PIANP: variants seen among roughly 807,000 people sequenced by gnomAD.
PIANP encodes PILR alpha associated neural protein, also known as PILR alpha-associated neural protein.
In PIANP, 14 loss-of-function variants were observed where a neutral mutation model predicts 28.9. The observed-to-expected ratio is 0.49, with a 90% CI of 0.32 to 0.76. The LOEUF is 0.76. Ranked by LOEUF, PIANP falls within the 30% of genes least tolerant of loss-of-function variation. PIANP has a pLI of 0.03. For missense variants in PIANP, 322 were observed against 371.8 expected (o/e 0.87, Z 1.10); for synonymous variants, 149 against 156.6 (o/e 0.95, Z 0.36).
chr12:6,698,339 C>G (rs1384118128), intron 1 of PIANP: 3 of 567,544 alleles, frequency 5.3e-6, no homozygotes, highest in Non-Finnish European at 6.3e-6. Context: ...CCTCTCCACC[C>G]CAGGGTCTAC....
chr12:6,693,469 C>G (rs1959746740), downstream of PIANP, among the ~76,000 whole-genome samples: 1 of 152,216 alleles, frequency 6.6e-6, no homozygotes, highest in Non-Finnish European at 1.5e-5. Flanking sequence ...TCTCTTCCGC[C>G]TTGATCCACC....
rs773799330 is a variant in PIANP at position 6,696,645 on chromosome 12, G to A, written c.524-121C>T. On this transcript the variant is annotated intron_variant, in intron 3 of 4. Coordinates refer to ENST00000534837, the MANE Select transcript of PIANP (RefSeq NM_001244014.2). The surrounding 1 kb of genome is among the most constrained non-coding windows in gnomAD (Gnocchi z 4.0). ...CATTGCTGTGTGGATCCACACTGCCGGCTCTGTCTGCCCCTCTGGAGCCTC... is the reference window on the plus strand; with the variant it reads ...CATTGCTGTGTGGATCCACACTGCCAGCTCTGTCTGCCCCTCTGGAGCCTC... 3.9e-5 allele frequency: 23 copies of A among 590,848 alleles called. No homozygotes were observed. The highest frequency in any genetic ancestry group is 1.6e-4 in the East Asian group (5 of 30,504). 36.6% of individuals were successfully genotyped at this position (590,848 alleles called of 1,614,324 possible).
chr12:6,698,205 C>CAGCCGCAT, intron 1 of PIANP, 101 bp from the exon 2 acceptor site: 1 of 922,018 alleles, frequency 1.1e-6, no homozygotes, highest in Non-Finnish European at 1.7e-6. Context: ...CCAGGCCACC[C>CAGCCGCAT]AGCTGCCAGC....
chr12:6,697,989 G>GAAGT lies in PIANP; in HGVS notation c.17+55_17+56insACTT. ...GCTCTGGATGGGTCTAGGAAGGAAG[G>GAAGT]AGTCATGGCCCCAGGGAATGTGGTC... is the stretch of plus-strand genomic sequence containing the variant. On this transcript the variant is annotated intron_variant, in intron 2 of 4. Coordinates refer to ENST00000534837, the MANE Select transcript of PIANP (RefSeq NM_001244014.2). The surrounding 1 kb of genome is among the most constrained non-coding windows in gnomAD (Gnocchi z 6.9). The GAAGT allele has an allele frequency of 6.5e-7, 1 of 1,548,706 alleles. No homozygotes were observed. The highest frequency in any genetic ancestry group is 1.2e-5 in the South Asian group (1 of 84,038).
downstream of PIANP, among the ~76,000 whole-genome samples, chr12:6,693,065 T>C (rs1959736562): frequency 6.6e-6 from 1 of 151,964 alleles, no homozygotes; most frequent in African/African-American, 2.4e-5. Flanking sequence ...ACCATAGCAA[T>C]AGAGCCTAGC....
chr12:6,692,349 G>A (rs1238221523), downstream of PIANP, among the ~76,000 whole-genome samples: 8 of 152,224 alleles, frequency 5.3e-5, no homozygotes, highest in South Asian at 8.3e-4. Context: ...CCTTGCTGAA[G>A]GTGAGAGCCC....
Position 6,695,328 on chromosome 12 carries a change from C to T in PIANP, c.*98G>A, listed in dbSNP as rs895823968. On this transcript the variant is annotated 3_prime_UTR_variant, in exon 5 of 5. Transcript: ENST00000534837. This position sits in a 1 kb window ranked among gnomAD's most constrained non-coding sequence, Gnocchi z 4.2. ...GGGCCAGGGGCTGTGGGAGGCCACGCCTGCCTCCTCACTACCCATCCAGAG... is the reference window on the plus strand; with the variant it reads ...GGGCCAGGGGCTGTGGGAGGCCACGTCTGCCTCCTCACTACCCATCCAGAG... 7.1e-7 allele frequency: 1 copy of T among 1,400,054 alleles called. No homozygotes were observed. The highest frequency in any genetic ancestry group is 9.3e-7 in the Non-Finnish European group (1 of 1,072,014). 86.7% of individuals were successfully genotyped at this position (1,400,054 alleles called of 1,614,324 possible).
At position 6,697,332 on chromosome 12, in the gene PIANP, C is replaced by T. The variant is rs766782464; in HGVS notation, c.478G>A (p.Ala160Thr). 8.7e-6 allele frequency: 14 copies of T among 1,613,872 alleles called. No homozygotes were observed. In the African/African-American group the frequency reaches 1.6e-4, roughly 18 times the overall value. ...AGGAATGGCCGCAGGGTGGCAGGTG[C>T]CTCTCCAAGGATAAGCCCATCTCCA... ...GDGDGLILGE[A>T]PATLRPFLFG... The change falls in exon 3 of 5, where the codon GCA (alanine) becomes ACA (threonine). Residue 160 changes from alanine to threonine, a missense_variant. Ala to Thr is a moderately conservative substitution (Grantham distance 58, BLOSUM62 0). Transcript: ENST00000534837. The surrounding 1 kb of genome is among the most constrained non-coding windows in gnomAD (Gnocchi z 6.9).
chr12:6,697,593 C>G lies in PIANP; in HGVS notation c.217G>C (p.Val73Leu). The G allele has an allele frequency of 6.3e-7, 1 of 1,584,036 alleles. No individual in the cohort carries two copies. Among genetic ancestry groups the G allele is most frequent in the South Asian group, 1.1e-5 (1 of 87,354 alleles). ...AGGACTTGCCGACGTGATCTTGGGA[C>G]CCGAGGAGATCGGCTTGGTGGAGGT... ...RAPPPSRSPR[V>L]PRSRRQVLPG... The change falls in exon 3 of 5, where the codon GTC becomes CTC. Residue 73 changes from valine to leucine, a missense_variant. By Grantham distance (32) the Val-to-Leu change is conservative. Coordinates refer to ENST00000534837, the MANE Select transcript of PIANP (RefSeq NM_001244014.2). This position sits in a 1 kb window ranked among gnomAD's most constrained non-coding sequence, Gnocchi z 6.9.
Position 6,694,955 on chromosome 12 carries a change from A to G in PIANP, c.*471T>C. ...GGAGCCCCTGTGGCCCCAGCTCCCC[A>G]CAGCTGCCCCACCCTCAGTGGGATG... On this transcript the variant is annotated 3_prime_UTR_variant, in exon 5 of 5. Transcript: ENST00000534837. The surrounding 1 kb of genome is among the most constrained non-coding windows in gnomAD (Gnocchi z 6.1). 6.8e-7 allele frequency: 1 copy of G among 1,468,510 alleles called. No individual in the cohort carries two copies. The highest frequency in any genetic ancestry group is 9.1e-7 in the Non-Finnish European group (1 of 1,100,256). The allele number at this position is 1,468,510 out of a possible 1,614,324, so 91.0% of individuals were successfully genotyped here.
chr12:6,695,286 G>C lies in PIANP; in HGVS notation c.*140C>G. On this transcript the variant is annotated 3_prime_UTR_variant, in exon 5 of 5. Transcript: ENST00000534837. This position sits in a 1 kb window ranked among gnomAD's most constrained non-coding sequence, Gnocchi z 4.2. Reference sequence around the variant, plus strand: ...AAGGGTGCCTCCCAGAGAGGAGCTGGTCCAGCCCCCTTGGGAGGGCCAGGG... The same window carrying C: ...AAGGGTGCCTCCCAGAGAGGAGCTGCTCCAGCCCCCTTGGGAGGGCCAGGG... The C allele has an allele frequency of 7.1e-7, 1 of 1,409,370 alleles. No individual in the cohort carries two copies. The highest frequency in any genetic ancestry group is 9.3e-7 in the Non-Finnish European group (1 of 1,076,474). 87.3% of individuals were successfully genotyped at this position (1,409,370 alleles called of 1,614,324 possible).
Position 6,700,156 on chromosome 12 carries a change from C to G in PIANP, c.-44+458G>C, listed in dbSNP as rs1027947512. On this transcript the variant is annotated intron_variant, in intron 1 of 4. Coordinates refer to ENST00000534837, the MANE Select transcript of PIANP (RefSeq NM_001244014.2). This position sits in a 1 kb window ranked among gnomAD's most constrained non-coding sequence, Gnocchi z 5.5. The stretch of plus-strand genomic sequence containing the variant: ...CGACCTGTTGTGCGCAGGAGACGAG[C>G]TGGGGGTGGGGCAGGAGCCTCGGGG... The G allele has an allele frequency of 2.0e-5, 3 of 152,262 alleles. No individual in the cohort carries two copies. Among genetic ancestry groups the G allele is most frequent in the Admixed American group, 1.3e-4 (2 of 15,284 alleles). 9.4% of individuals were successfully genotyped at this position (152,262 alleles called of 1,614,324 possible).
intron 1 of PIANP, among the ~76,000 whole-genome samples, chr12:6,698,982 G>C (rs1347175484): frequency 6.6e-6 from 1 of 152,174 alleles, no homozygotes; most frequent in Non-Finnish European, 1.5e-5. Context: ...AGTGGCTCAC[G>C]CCTGTAATCC....
At position 6,695,417 on chromosome 12, in the gene PIANP, C is replaced by T. The variant is rs1222738750; in HGVS notation, c.*9G>A. 4 of 1,487,114 alleles carry T rather than the reference C, an allele frequency of 2.7e-6. No individual in the cohort carries two copies. The highest frequency in any genetic ancestry group is 1.4e-5 in the South Asian group (1 of 69,058). The allele number at this position is 1,487,114 out of a possible 1,614,324, so 92.1% of individuals were successfully genotyped here. ...CCCTCTTTGCCCTCCCATCCCATTG[C>T]CCCTGCCCTCACCGGTTCAACTGGA... On this transcript the variant is annotated 3_prime_UTR_variant, in exon 5 of 5. Transcript: ENST00000534837. This position sits in a 1 kb window ranked among gnomAD's most constrained non-coding sequence, Gnocchi z 4.2.
Position 6,697,649 on chromosome 12 carries a change from G to C in PIANP, c.161C>G (p.Ala54Gly), listed in dbSNP as rs772668070. The change falls in exon 3 of 5, where the codon GCC becomes GGC. Residue 54 changes from alanine to glycine, a missense_variant. Ala to Gly is a moderately conservative substitution (Grantham distance 60, BLOSUM62 0). Coordinates refer to ENST00000534837, the MANE Select transcript of PIANP (RefSeq NM_001244014.2). This position sits in a 1 kb window ranked among gnomAD's most constrained non-coding sequence, Gnocchi z 6.9. ...RPPCARGGPS[A>G]PRHVCVWERA... ...CTCCCACACGCACACATGACGTGGG[G>C]CCGAGGGGCCTCCCCTGGCACACGG... The C allele has an allele frequency of 6.4e-7, 1 of 1,557,924 alleles. No homozygotes were observed. The highest frequency in any genetic ancestry group is 1.2e-5 in the South Asian group (1 of 84,654).
chr12:6,693,744 TCTC>T (rs1459953472), downstream of PIANP: 2 of 152,216 alleles, frequency 1.3e-5, no homozygotes, highest in African/African-American at 2.4e-5. Context: ...TGCCCACCCC[TCTC>T]CTCCTCTCTA....
chr12:6,697,519 C>G lies in PIANP; in HGVS notation c.291G>C (p.Pro97=). ...PATPSGFEEG[P]PSSQYPWAIV... Reference sequence around the variant, plus strand: ...TAGCCCAGGGGTATTGGGATGAGGGCGGCCCCTCCTCAAAGCCTGATGGGG... The same window carrying G: ...TAGCCCAGGGGTATTGGGATGAGGGGGGCCCCTCCTCAAAGCCTGATGGGG... The change falls in exon 3 of 5, where the codon CCG becomes CCC. Residue 97 remains proline (P), a synonymous_variant. Transcript: ENST00000534837. The surrounding 1 kb of genome is among the most constrained non-coding windows in gnomAD (Gnocchi z 6.9). 1 of 1,612,250 alleles carries G rather than the reference C, an allele frequency of 6.2e-7. No homozygotes were observed. The highest frequency in any genetic ancestry group is 8.5e-7 in the Non-Finnish European group (1 of 1,179,176).
At chr12:6,699,488 GGA>G (rs1959983528) in intron 1 of PIANP, among the ~76,000 whole-genome samples, 2 of 152,084 alleles carry the variant, frequency 1.3e-5, no homozygotes, top group African/African-American at 4.8e-5. Context: ...GAAGAGAGGA[GGA>G]GAGTGGGTAC....
At chr12:6,692,622 T>C (rs1314615640), downstream of PIANP, among the ~76,000 whole-genome samples, 1 of 152,180 alleles carries the variant, frequency 6.6e-6, no homozygotes, top group Admixed American at 6.5e-5. Context: ...CCCCAGTGAG[T>C]TGACTCCTCA....
Sources: allele counts gnomAD v4.1 joint callset (sites outside exome capture counted in the v4.1 genomes callset), GRCh38; gene constraint gnomAD v4.1.1; non-coding constraint Gnocchi (gnomAD v3.1); transcripts MANE v1.5; gene names NCBI Gene and HGNC (gene_info 2026-07-23, HGNC 2026-07-21).